Variants in KIF1A observed in about 807,000 individuals in gnomAD.
The protein encoded by KIF1A is kinesin family member 1A.
KIF1A carries 46 observed loss-of-function variants against 227.3 expected under a neutral mutation model. The observed-to-expected ratio is 0.20, with a 90% CI of 0.16 to 0.26. KIF1A has a LOEUF of 0.26. Ranked by LOEUF, KIF1A falls within the 10% of genes least tolerant of loss-of-function variation. The pLI is 1.00. For synonymous variants in KIF1A, 1,022 were observed against 1,012.8 expected (o/e 1.01, Z -0.17); for missense variants, 1,683 against 2,485.9 (o/e 0.68, Z 6.87).
At chr2:240,783,885 G>T in intron 7 of KIF1A, 69 bp from the exon 8 acceptor site, 1 of 1,225,902 alleles carries the variant, frequency 8.2e-7, no homozygotes, top group Non-Finnish European at 1.2e-6. Context: ...GGACCCCTGG[G>T]CAAGGTCTCC....
At chr2:240,733,103 C>T (rs540828221) in intron 38 of KIF1A, among the ~76,000 whole-genome samples, 2 of 151,978 alleles carry the variant, frequency 1.3e-5, no homozygotes, top group South Asian at 2.1e-4. Context: ...ACAGACTTTT[C>T]CTGATTTTGC....
chr2:240,756,527 C>T (rs146936089), intron 27 of KIF1A, among the ~76,000 whole-genome samples: 2,783 of 152,324 alleles, frequency 0.018, 30 homozygotes, highest in South Asian at 0.031. Flanking sequence ...ATTTGGGCAA[C>T]GTGATAACCA....
intron 1 of KIF1A, among the ~76,000 whole-genome samples, chr2:240,807,078 ATGTGTGTGTGTGTGTGTGTGTG>A (rs67918205): frequency 0.014 from 1,310 of 95,216 alleles, 10 homozygotes; most frequent in Non-Finnish European, 0.018. Context: ...CCTCATATAT[ATGTGTGTGTGTGTGTGTGTGTG>A]TGTGTGTGTG....
In KIF1A at chr2:240,778,266, A is replaced by ACACAG. The variant is rs1055528679; in HGVS notation, c.883-2345_883-2341dup. On this transcript the variant is annotated intron_variant, in intron 10 of 48. Transcript: ENST00000498729. This position sits in a 1 kb window ranked among gnomAD's most constrained non-coding sequence, Gnocchi z 7.2. ...GTCACAGTTCTCTGTGGAGTTCTTT[A>ACACAG]CACAGTTCCACGCGATCCTCACCTA... Among the ~76,000 whole-genome samples, 31 of 152,162 alleles carry ACACAG rather than the reference A, an allele frequency of 2.0e-4. No individual in the cohort carries two copies. The East Asian group carries it at 5.8e-3, about 28-fold the overall frequency.
chr2:240,784,903 G>A, intron 7 of KIF1A, 86 bp downstream of exon 7: 1 of 1,068,688 alleles, frequency 9.4e-7, no homozygotes, highest in Non-Finnish European at 1.5e-6. Flanking sequence ...CTGTCCTTGT[G>A]CTGCCCCCAC....
intron 15 of KIF1A, among the ~76,000 whole-genome samples, chr2:240,770,290 C>T (rs1164737999): frequency 1.3e-5 from 2 of 152,236 alleles, no homozygotes; most frequent in African/African-American, 4.8e-5. Flanking sequence ...AAAATGATCC[C>T]GGCCCATTGC....
Position 240,758,559 on chromosome 2 carries a change from AC to A in KIF1A, c.2445-63del. ...CAGCGCTCAGCAGCTGGCACCGCACACCCTTATCTCCTGGGGACAGTGGGCT... is the reference window on the plus strand; with the variant it reads ...CAGCGCTCAGCAGCTGGCACCGCACACCTTATCTCCTGGGGACAGTGGGCT... On this transcript the variant is annotated intron_variant, in intron 25 of 48. Transcript: ENST00000498729. The surrounding 1 kb of genome is among the most constrained non-coding windows in gnomAD (Gnocchi z 5.2). 6.9e-7 allele frequency: 1 copy of A among 1,448,150 alleles called. No individual in the cohort carries two copies. The highest frequency in any genetic ancestry group is 1.5e-5 in the South Asian group (1 of 67,432). The allele number at this position is 1,448,150 out of a possible 1,614,324, so 89.7% of individuals were successfully genotyped here.
At position 240,769,632 on chromosome 2, in the gene KIF1A, C is replaced by T; in HGVS notation, c.1416G>A (p.Met472Ile). The change falls in exon 16 of 49, where the codon ATG (methionine) becomes ATA (isoleucine). Residue 472 changes from methionine (M) to isoleucine (I), a missense_variant. Met to Ile is a conservative substitution (Grantham distance 10). Coordinates refer to ENST00000498729, the MANE Select transcript of KIF1A (RefSeq NM_001244008.2). ...TCAGTTTCCCCGCTGCACACCTCTC[C>T]ATCCGGATGGCTTCTGTCCGCCGCA... ...EKLRRTEAIR[M>I]EREALLAEMG... The T allele has an allele frequency of 6.2e-7, 1 of 1,613,188 alleles. No individual in the cohort carries two copies. Among genetic ancestry groups the T allele is most frequent in the Non-Finnish European group, 8.5e-7 (1 of 1,179,588 alleles).
At position 240,745,887 on chromosome 2, in the gene KIF1A, G is replaced by A. The variant is rs767382379; in HGVS notation, c.3225C>T (p.Leu1075=). 6.2e-7 allele frequency: 1 copy of A among 1,607,402 alleles called. No individual in the cohort carries two copies. Among genetic ancestry groups the A allele is most frequent in the South Asian group, 1.1e-5 (1 of 90,472 alleles). ...TCSAVPPEGL[L]LDSSEKAALD... is the part of the protein sequence containing the mutation. ...GGGCGGCTTTCTCAGAGCTGTCTAG[G>A]AGGAGGCCTTCTGGGGGCACTGCTG... Residue 1075 remains leucine, a synonymous_variant, in exon 31 of 49, where the codon CTC becomes CTT. Coordinates refer to ENST00000498729, the MANE Select transcript of KIF1A (RefSeq NM_001244008.2).
chr2:240,786,837 G>GCACCA (rs2055000077), intron 5 of KIF1A, among the ~76,000 whole-genome samples: 2 of 57,314 alleles, frequency 3.5e-5, no homozygotes, highest in African/African-American at 1.4e-4. Flanking sequence ...GGTGGGGGCT[G>GCACCA]CCTGCTGAGC....
rs1205037084 is a variant in KIF1A, at chr2:240,725,560, T to C, written c.4123-156A>G. 2.7e-6 allele frequency: 2 copies of C among 735,676 alleles called. No individual in the cohort carries two copies. Among genetic ancestry groups the C allele is most frequent in the Admixed American group, 5.8e-5 (2 of 34,210 alleles). 45.6% of individuals were successfully genotyped at this position (735,676 alleles called of 1,614,324 possible). Reference sequence around the variant, plus strand: ...TGGCCTGGACGCAGGCAGGAGAAAGTCTCTGCTCCTGCCCTCGAGAAAACC... The same window carrying C: ...TGGCCTGGACGCAGGCAGGAGAAAGCCTCTGCTCCTGCCCTCGAGAAAACC... On this transcript the variant is annotated intron_variant, in intron 39 of 48. Transcript: ENST00000498729. The surrounding 1 kb of genome is among the most constrained non-coding windows in gnomAD (Gnocchi z 5.8).
intron 10 of KIF1A, among the ~76,000 whole-genome samples, chr2:240,780,770 CCACACA>C (rs113684618): frequency 2.8e-4 from 20 of 71,434 alleles, no homozygotes; most frequent in East Asian, 9.9e-4. Context: ...CCACACAGCT[CCACACA>C]CACACACACA....
chr2:240,748,507 GGCTCCGCTCA>G (rs1559497922), intron 28 of KIF1A, among the ~76,000 whole-genome samples: 2 of 151,868 alleles, frequency 1.3e-5, no homozygotes, highest in African/African-American at 2.4e-5. Context: ...TGCTCAGGAT[GGCTCCGCTCA>G]GCCATCCTGA....
intron 45 of KIF1A, 170 bp downstream of exon 45, chr2:240,720,744 G>A (rs139795348): frequency 1.4e-6 from 1 of 707,768 alleles, no homozygotes; most frequent in Non-Finnish European, 2.2e-6. Context: ...GGCACCCTCT[G>A]AGAGGGCTGC....
chr2:240,723,178 C>T (rs1351733467), intron 42 of KIF1A, among the ~76,000 whole-genome samples: 2 of 152,222 alleles, frequency 1.3e-5, no homozygotes, highest in Non-Finnish European at 2.9e-5. Context: ...TAGTCTTCCT[C>T]GGCTAATTCC....
At chr2:240,719,662 G>C in intron 46 of KIF1A, 112 bp downstream of exon 46, 2 of 1,262,038 alleles carry the variant, frequency 1.6e-6, no homozygotes, top group Non-Finnish European at 2.1e-6. Context: ...CAACCTGTCT[G>C]TCTCCCCAAG....
rs529240242 is a variant in KIF1A at position 240,748,753 on chromosome 2, T to A, written c.2978-1432A>T. Reference sequence around the variant, plus strand: ...GATTCTCAGCACTGTGGTATCACAGTGACTGGATGACAAGCAATGACATGG... The same window carrying A: ...GATTCTCAGCACTGTGGTATCACAGAGACTGGATGACAAGCAATGACATGG... On this transcript the variant is annotated intron_variant, in intron 28 of 48. Coordinates refer to ENST00000498729, the MANE Select transcript of KIF1A (RefSeq NM_001244008.2). 13 of 228,940 alleles carry A rather than the reference T, an allele frequency of 5.7e-5. No individual in the cohort carries two copies. The South Asian group carries it at 5.9e-4, about 10-fold the overall frequency. The allele number at this position is 228,940 out of a possible 1,614,324, so 14.2% of individuals were successfully genotyped here.
At chr2:240,760,945 C>G in intron 24 of KIF1A, 102 bp from the exon 25 acceptor site, 1 of 1,183,098 alleles carries the variant, frequency 8.5e-7, no homozygotes, top group East Asian at 2.6e-5. Context: ...CAGCTGCCTG[C>G]CCCACAATGG....
rs1479306015 is a variant in KIF1A at position 240,780,808 on chromosome 2, ACACACACACACACACACAGCTC to A, written c.882+1760_882+1781del. On this transcript the variant is annotated intron_variant, in intron 10 of 48. Transcript: ENST00000498729. Reference sequence around the variant, plus strand: ...CACACACACACAGCTCCACACACACACACACACACACACACACAGCTCCACACACACACACAGCTCCACACAC... The same window carrying A: ...CACACACACACAGCTCCACACACACACACACACACACACAGCTCCACACAC... Among the ~76,000 whole-genome samples the A allele has an allele frequency of 5.8e-4, 61 of 106,008 alleles. 1 individual carries two copies. In the East Asian group the frequency reaches 8.2e-3, roughly 14 times the overall value. 69.5% of individuals were successfully genotyped at this position (106,008 alleles called of 152,430 possible).
Sources: allele counts gnomAD v4.1 joint callset (sites outside exome capture counted in the v4.1 genomes callset), GRCh38; gene constraint gnomAD v4.1.1; non-coding constraint Gnocchi (gnomAD v3.1); transcripts MANE v1.5; gene names NCBI Gene and HGNC (gene_info 2026-07-23, HGNC 2026-07-21).